The following NTM variants were observed in gnomAD, a reference collection of about 807,000 sequenced individuals.
NTM encodes neurotrimin.
NTM carries 13 observed loss-of-function variants against 42.1 expected under a neutral mutation model. The ratio of observed to expected loss-of-function variants is 0.31; its 90% CI spans 0.20 to 0.49. The LOEUF is 0.49. NTM is among the 20% of genes least tolerant of loss of function. NTM has a pLI of 0.99. For synonymous variants in NTM, 187 were observed against 179.2 expected, an observed-to-expected ratio of 1.04 and a Z score of -0.35; for missense variants, 373 against 452.8, an observed-to-expected ratio of 0.82 and a Z score of 1.60.
chr11:131,508,203 C>T (rs1334430635), intron 1 of NTM, among the ~76,000 whole-genome samples: 3 of 146,186 alleles, frequency 2.1e-5, no homozygotes, highest in African/African-American at 7.9e-5. Flanking sequence ...AAACAAACAA[C>T]CCCATCAAAA....
rs537569093 is a variant in NTM, at chr11:131,900,796, T to C, written c.83-10768T>C. On this transcript the variant is annotated intron_variant, in intron 1 of 8. Coordinates refer to ENST00000683400, the MANE Select transcript of NTM (RefSeq NM_001352005.2). ...ATTTGTGAGCTACAGTGATAACTAC[T>C]ATAAGCAATACTAGGAGAATTTTTA... Among the ~76,000 whole-genome samples the C allele has an allele frequency of 3.3e-5, 5 of 152,364 alleles. No individual in the cohort carries two copies. The East Asian group carries it at 7.7e-4, about 23-fold the overall frequency.
chr11:131,948,758 C>T (rs916549899), intron 2 of NTM, among the ~76,000 whole-genome samples: 4 of 152,194 alleles, frequency 2.6e-5, no homozygotes, highest in Non-Finnish European at 5.9e-5. Flanking sequence ...CGCCCCAGTG[C>T]TAGGCAATCT....
At chr11:131,547,498 G>A (rs1399347533) in intron 1 of NTM, among the ~76,000 whole-genome samples, 1 of 152,162 alleles carries the variant, frequency 6.6e-6, no homozygotes, top group African/African-American at 2.4e-5. Flanking sequence ...GGTGACAGTG[G>A]GATGGCGTTC....
intron 1 of NTM, among the ~76,000 whole-genome samples, chr11:131,569,766 G>C (rs11222701): frequency 0.028 from 4,190 of 151,952 alleles, 195 homozygotes; most frequent in African/African-American, 0.096. Context: ...TTTTTTTGTA[G>C]ACACTGGTCT....
intron 1 of NTM, among the ~76,000 whole-genome samples, chr11:131,398,507 T>C (rs1944796326): frequency 6.6e-6 from 1 of 152,240 alleles, no homozygotes; most frequent in Non-Finnish European, 1.5e-5. Context: ...CAGAAACAAT[T>C]TTCCATGTCG....
chr11:131,886,741 A>T (rs1035741582), intron 1 of NTM, among the ~76,000 whole-genome samples: 2 of 152,220 alleles, frequency 1.3e-5, no homozygotes, highest in Non-Finnish European at 2.9e-5. Context: ...TACCCTGGTA[A>T]GATGACAGAG....
chr11:131,817,418 T>C (rs1288111813), intron 1 of NTM, among the ~76,000 whole-genome samples: 1 of 152,212 alleles, frequency 6.6e-6, no homozygotes, highest in East Asian at 1.9e-4. Flanking sequence ...TACTGACTTT[T>C]TTTTTAAGCA....
At chr11:131,603,370 T>A (rs543016200) in intron 1 of NTM, among the ~76,000 whole-genome samples, 2 of 152,222 alleles carry the variant, frequency 1.3e-5, no homozygotes, top group South Asian at 4.2e-4. Flanking sequence ...TCCACAGATT[T>A]AGGGTATGGG....
At chr11:131,958,345 G>C (rs34968143) in intron 2 of NTM, among the ~76,000 whole-genome samples, 1 of 152,096 alleles carries the variant, frequency 6.6e-6, no homozygotes, top group Non-Finnish European at 1.5e-5. Context: ...TGGGAGAACA[G>C]AGTGAAGAGG....
At chr11:131,764,782 T>C (rs2084845910) in intron 1 of NTM, among the ~76,000 whole-genome samples, 1 of 152,130 alleles carries the variant, frequency 6.6e-6, no homozygotes, top group African/African-American at 2.4e-5. Context: ...AAGTTGCTCC[T>C]TCCTATAAAT....
intron 3 of NTM, among the ~76,000 whole-genome samples, chr11:132,150,248 GC>G (rs2071550688): frequency 6.6e-6 from 1 of 152,084 alleles, no homozygotes; most frequent in Non-Finnish European, 1.5e-5. Context: ...GAACTCACTT[GC>G]CCCACCCCCT....
chr11:132,108,901 G>A (rs1392131837), intron 2 of NTM, among the ~76,000 whole-genome samples: 1 of 152,006 alleles, frequency 6.6e-6, no homozygotes, highest in Non-Finnish European at 1.5e-5. Context: ...TCCCCTCCTT[G>A]TGTCCATGTG....
chr11:132,228,594 T>C (rs976872228), intron 4 of NTM, among the ~76,000 whole-genome samples: 1 of 152,224 alleles, frequency 6.6e-6, no homozygotes, highest in African/African-American at 2.4e-5. Flanking sequence ...CATCCCTCTC[T>C]GTACCCACCT....
intron 1 of NTM, among the ~76,000 whole-genome samples, chr11:131,681,483 A>G (rs1163238884): frequency 1.1e-4 from 3 of 26,770 alleles, no homozygotes; most frequent in African/African-American, 4.3e-4. Flanking sequence ...GTCTGTGTGT[A>G]TGTCTCCTTG....
intron 2 of NTM, among the ~76,000 whole-genome samples, chr11:132,120,901 T>C (rs950750029): frequency 2.0e-5 from 3 of 152,158 alleles, no homozygotes; most frequent in African/African-American, 7.2e-5. Context: ...GGATGGAATG[T>C]ATTTTGTGGG....
intron 2 of NTM, among the ~76,000 whole-genome samples, chr11:131,912,466 C>T (rs2138001544): frequency 6.6e-6 from 1 of 152,302 alleles, no homozygotes; most frequent in African/African-American, 2.4e-5. Context: ...TAGAATGATT[C>T]TATCTCCCTG....
intron 1 of NTM, among the ~76,000 whole-genome samples, chr11:131,787,983 G>A (rs970451431): frequency 1.3e-5 from 2 of 152,126 alleles, no homozygotes; most frequent in African/African-American, 4.8e-5. Flanking sequence ...TGTTGTGATT[G>A]TTTCTTTTCT....
At chr11:132,094,058 C>T (rs542152363) in intron 2 of NTM, among the ~76,000 whole-genome samples, 57 of 152,258 alleles carry the variant, frequency 3.7e-4, no homozygotes, top group African/African-American at 1.2e-3. Context: ...TACAGCTCAG[C>T]GTTTGCCTTA....
At chr11:132,231,196 A>C (rs2087480938) in intron 4 of NTM, among the ~76,000 whole-genome samples, 2 of 152,182 alleles carry the variant, frequency 1.3e-5, no homozygotes, top group African/African-American at 4.8e-5. Flanking sequence ...CTAAGATGCA[A>C]ATGTCCATCT....
Sources: gnomAD v4.1 joint callset for allele counts (sites outside exome capture counted in the v4.1 genomes callset) on GRCh38, gnomAD v4.1.1 for gene constraint, MANE v1.5 for transcripts, NCBI Gene and HGNC (gene_info 2026-07-23, HGNC 2026-07-21) for gene names.